Variants in ZBTB8OS observed in about 807,000 individuals in gnomAD.
The protein encoded by ZBTB8OS is tRNA-splicing ligase-activating factor archease.
A neutral mutation model predicts 29.3 loss-of-function variants in ZBTB8OS; 16 were observed. The observed-to-expected ratio is 0.55, with a 90% CI of 0.37 to 0.83. ZBTB8OS has a LOEUF of 0.83. ZBTB8OS is among the 40% of genes least tolerant of loss of function. The pLI, the probability that ZBTB8OS is intolerant of heterozygous loss-of-function variation, is 0.00. For missense variants in ZBTB8OS, 160 were observed against 196.9 expected (o/e 0.81, Z 1.12); for synonymous variants, 70 against 64.6 (o/e 1.08, Z -0.40).
intron 2 of ZBTB8OS, chr1:32,634,355 T>A: frequency 6.6e-6 from 2 of 302,554 alleles, no homozygotes; most frequent in Non-Finnish European, 1.2e-5. Flanking sequence ...GCCTCACAAG[T>A]AGCTGGGATT....
intron 5 of ZBTB8OS, among the ~76,000 whole-genome samples, chr1:32,629,358 G>A (rs1358741948): frequency 6.6e-6 from 1 of 151,920 alleles, no homozygotes; most frequent in Non-Finnish European, 1.5e-5. Context: ...CATGGCTGCA[G>A]TGAGCCATGA....
intron 1 of ZBTB8OS, among the ~76,000 whole-genome samples, chr1:32,650,165 T>G (rs1014055806): frequency 5.9e-5 from 9 of 152,124 alleles, no homozygotes; most frequent in African/African-American, 2.2e-4. Flanking sequence ...TCTTTAGAAT[T>G]TACGAAGATA....
At position 32,649,633 on chromosome 1, in the gene ZBTB8OS, A is replaced by ACACAC. The variant is rs1446311379; in HGVS notation, c.97+799_97+800insGTGTG. On this transcript the variant is annotated intron_variant, in intron 1 of 6. Transcript: ENST00000468695. Reference sequence around the variant, plus strand: ...GACAGAGCGAGACCCCATCTCTAAAAACACACACACACACACACACACACA... The same window carrying ACACAC: ...GACAGAGCGAGACCCCATCTCTAAAACACACACACACACACACACACACACACACA... Among the ~76,000 whole-genome samples the ACACAC allele has an allele frequency of 2.5e-3, 134 of 54,118 alleles. 1 individual carries two copies. The highest frequency in any genetic ancestry group is 3.9e-3 in the Admixed American group (19 of 4,864). The allele number at this position is 54,118 out of a possible 152,430, so 35.5% of individuals were successfully genotyped here. A position where few individuals can be genotyped will look rare whatever the true frequency, so the allele number is the denominator to read the frequency against.
At chr1:32,641,431 G>T (rs1406408966) in intron 1 of ZBTB8OS, among the ~76,000 whole-genome samples, 1 of 150,138 alleles carries the variant, frequency 6.7e-6, no homozygotes, top group Non-Finnish European at 1.5e-5. Flanking sequence ...GCACCTCCAC[G>T]CCGGGCTAAT....
chr1:32,633,836 A>T (rs1437633966), intron 3 of ZBTB8OS, 109 bp from the exon 4 acceptor site: 3 of 1,468,744 alleles, frequency 2.0e-6, no homozygotes, highest in Admixed American at 2.4e-5. Flanking sequence ...GAAAGAAAAG[A>T]CTCATCCTTA....
At chr1:32,641,183 AC>A (rs951018264) in intron 1 of ZBTB8OS, among the ~76,000 whole-genome samples, 5 of 151,706 alleles carry the variant, frequency 3.3e-5, no homozygotes, top group African/African-American at 1.2e-4. Flanking sequence ...AGTCTGAATA[AC>A]AAAAGCATGT....
At chr1:32,635,397 G>A (rs1645879623) in intron 1 of ZBTB8OS, among the ~76,000 whole-genome samples, 1 of 151,784 alleles carries the variant, frequency 6.6e-6, no homozygotes, top group Non-Finnish European at 1.5e-5. Context: ...TCAGCCTCCT[G>A]AGTAGCTGGG....
Position 32,640,381 on chromosome 1 carries a change from C to T in ZBTB8OS, c.98-5589G>A, listed in dbSNP as rs180773465. Among the ~76,000 whole-genome samples, 8 of 152,246 alleles carry T rather than the reference C, an allele frequency of 5.3e-5. No homozygotes were observed. In the South Asian group the frequency reaches 1.2e-3, roughly 24 times the overall value. ...CCTCCCAAAGTGCTGGGATTACAGG[C>T]ATGAGCCACCGCACCGGCCAAAACA... On this transcript the variant is annotated intron_variant, in intron 1 of 6. Coordinates refer to ENST00000468695, the MANE Select transcript of ZBTB8OS (RefSeq NM_178547.5).
chr1:32,627,841 C>A (rs750130828), intron 5 of ZBTB8OS: 5 of 381,652 alleles, frequency 1.3e-5, no homozygotes, highest in Non-Finnish European at 2.4e-5. Context: ...TTGAGAACAG[C>A]CTGAGCAACA....
intron 5 of ZBTB8OS, among the ~76,000 whole-genome samples, chr1:32,630,361 C>T (rs1389975460): frequency 6.6e-6 from 1 of 151,942 alleles, no homozygotes; most frequent in African/African-American, 2.4e-5. Context: ...CACTGCCCTC[C>T]AGCCTGGGCA....
At chr1:32,627,441 G>A (rs1212906142) in intron 6 of ZBTB8OS, 67 bp downstream of exon 6, 1 of 1,408,752 alleles carries the variant, frequency 7.1e-7, no homozygotes, top group African/African-American at 1.4e-5. Context: ...GAAGTTGATT[G>A]TCACATATAT....
Position 32,642,503 on chromosome 1 carries a change from C to CA in ZBTB8OS, c.98-7712dup, listed in dbSNP as rs956678582. On this transcript the variant is annotated intron_variant, in intron 1 of 6. Transcript: ENST00000468695. The stretch of plus-strand genomic sequence containing the variant: ...TGGGTGACAGAGCGAGACTCTGTCT[C>CA]AAAAAAAAAAAGAAAAAAAAAGAAA... 2.8e-3 allele frequency among the ~76,000 whole-genome samples: 308 copies of CA among 110,984 alleles called. 1 individual carries two copies. Among genetic ancestry groups the CA allele is most frequent in the Middle Eastern group, 0.026 (5 of 196 alleles). 72.8% of individuals were successfully genotyped at this position (110,984 alleles called of 152,430 possible).
chr1:32,637,205 G>C (rs919652792), intron 1 of ZBTB8OS, among the ~76,000 whole-genome samples: 3 of 152,052 alleles, frequency 2.0e-5, no homozygotes, highest in African/African-American at 4.8e-5. Context: ...AATAAAACCT[G>C]TTTTCACTGC....
intron 6 of ZBTB8OS, among the ~76,000 whole-genome samples, chr1:32,624,448 A>C (rs1644963153): frequency 6.6e-6 from 1 of 152,224 alleles, no homozygotes; most frequent in Non-Finnish European, 1.5e-5. Context: ...GTATTTGCTG[A>C]ATGCATGCAT....
intron 1 of ZBTB8OS, among the ~76,000 whole-genome samples, chr1:32,647,972 G>A (rs986070270): frequency 6.6e-6 from 1 of 152,000 alleles, no homozygotes; most frequent in African/African-American, 2.4e-5. Context: ...GTTGGGGACC[G>A]CTGGTTAATG....
In ZBTB8OS at chr1:32,621,710, C is replaced by A; in HGVS notation, c.*152G>T. On this transcript the variant is annotated 3_prime_UTR_variant, in exon 7 of 7. Transcript: ENST00000468695. ...GACCAAGGCTGTGCCCTGATTTTCC[C>A]TTTCTGAAAGTCACACTTTAACTAA... The A allele has an allele frequency of 3.1e-6, 2 of 635,822 alleles. No homozygotes were observed. Among genetic ancestry groups the A allele is most frequent in the Non-Finnish European group, 5.4e-6 (2 of 372,762 alleles). 39.4% of individuals were successfully genotyped at this position (635,822 alleles called of 1,614,324 possible). A position where few individuals can be genotyped will look rare whatever the true frequency, so the allele number is the denominator to read the frequency against.
intron 6 of ZBTB8OS, among the ~76,000 whole-genome samples, chr1:32,622,737 A>G (rs1206252906): frequency 6.6e-6 from 1 of 151,324 alleles, no homozygotes; most frequent in Non-Finnish European, 1.5e-5. Context: ...AAAGAAAAAA[A>G]AGTAAAAAAC....
chr1:32,630,571 A>G (rs1645468529), intron 5 of ZBTB8OS, among the ~76,000 whole-genome samples: 1 of 151,714 alleles, frequency 6.6e-6, no homozygotes, highest in Admixed American at 6.6e-5. Context: ...CAATCAATCA[A>G]TCAAATTAAA....
chr1:32,623,384 C>T (rs1007177537), intron 6 of ZBTB8OS, among the ~76,000 whole-genome samples: 2 of 152,192 alleles, frequency 1.3e-5, no homozygotes, highest in African/African-American at 2.4e-5. Context: ...CCCTTTTTCA[C>T]TCTCTGAGAC....
Sources: allele counts gnomAD v4.1 joint callset (sites outside exome capture counted in the v4.1 genomes callset), GRCh38; gene constraint gnomAD v4.1.1; transcripts MANE v1.5; gene names NCBI Gene and HGNC (gene_info 2026-07-23, HGNC 2026-07-21).